Variants in IGLL5 observed in about 807,000 individuals in gnomAD.
IGLL5 encodes the protein immunoglobulin lambda like polypeptide 5, also known as immunoglobulin lambda-like polypeptide 5.
Under a neutral mutation model 20.9 loss-of-function variants are expected in IGLL5, and 30 were observed. The ratio of observed to expected loss-of-function variants is 1.44; its 90% CI spans 1.07 to 1.95. The LOEUF (loss-of-function observed/expected upper bound fraction) is 1.95, where lower values mean the gene tolerates loss of function less well. Among genes scored for constraint, IGLL5 ranks in the 30% most tolerant of loss-of-function variants. IGLL5 has a pLI of 0.00. For synonymous variants in IGLL5, 203 were observed against 117.3 expected, an observed-to-expected ratio of 1.73 and a Z score of -4.72; for missense variants, 475 against 270.7, an observed-to-expected ratio of 1.75 and a Z score of -5.30.
At chr22:22,893,999 A>C (rs2067964327) in intron 2 of IGLL5, among the ~76,000 whole-genome samples, 181 bp downstream of exon 2, 2 of 150,186 alleles carry the variant, frequency 1.3e-5, no homozygotes, top group African/African-American at 5.0e-5. Context: ...AAGGGCCTCC[A>C]CAGTGGGAGC....
chr22:22,894,303 C>T (rs2068013785), intron 2 of IGLL5, among the ~76,000 whole-genome samples: 1 of 151,170 alleles, frequency 6.6e-6, no homozygotes, highest in African/African-American at 2.4e-5. Flanking sequence ...GGCCTGGTGA[C>T]ACAGAGGTCA....
At chr22:22,894,014 G>A (rs1431335735) in intron 2 of IGLL5, among the ~76,000 whole-genome samples, 196 bp downstream of exon 2, 9 of 149,020 alleles carry the variant, frequency 6.0e-5, no homozygotes, top group East Asian at 2.0e-4. Context: ...GGGAGCAGCC[G>A]GATGCAGCCT....
intron 2 of IGLL5, among the ~76,000 whole-genome samples, chr22:22,894,565 T>C (rs565834640): frequency 2.0e-5 from 3 of 151,474 alleles, no homozygotes; most frequent in Admixed American, 1.3e-4. Flanking sequence ...CCTCCTGCCT[T>C]CCTCAAAGGG....
At chr22:22,894,020 A>G (rs556962860) in intron 2 of IGLL5, among the ~76,000 whole-genome samples, 9 of 151,510 alleles carry the variant, frequency 5.9e-5, no homozygotes, top group Middle Eastern at 3.7e-3. Flanking sequence ...AGCCGGATGC[A>G]GCCTGGTCCC....
At chr22:22,889,514 G>C (rs181145764) in intron 1 of IGLL5, among the ~76,000 whole-genome samples, 3 of 151,370 alleles carry the variant, frequency 2.0e-5, no homozygotes, top group South Asian at 2.1e-4. Context: ...AGCATTATTA[G>C]TGATGGGAGA....
chr22:22,894,104 A>T (rs191899075), intron 2 of IGLL5, among the ~76,000 whole-genome samples: 1 of 151,424 alleles, frequency 6.6e-6, no homozygotes, highest in Admixed American at 6.6e-5. Context: ...TGAGGGACAG[A>T]GGCTGGTTCT....
Position 22,888,274 on chromosome 22 carries a change from A to T in IGLL5, c.206+15A>T, listed in dbSNP as rs764577154. ...CTGTGGGGCAGGTAAGGGGCAAGAG[A>T]TTCCAGGGGATGTGGGGGTCCTGCA... On this transcript the variant is annotated intron_variant, in intron 1 of 2. Coordinates refer to ENST00000526893, the MANE Select transcript of IGLL5 (RefSeq NM_001178126.2). 3 of 1,545,590 alleles carry T rather than the reference A, an allele frequency of 1.9e-6. No homozygotes were observed. Among genetic ancestry groups the T allele is most frequent in the Non-Finnish European group, 8.7e-7 (1 of 1,145,256 alleles).
At chr22:22,888,929 G>T (rs1170364814) in intron 1 of IGLL5, among the ~76,000 whole-genome samples, 1 of 151,354 alleles carries the variant, frequency 6.6e-6, no homozygotes, top group South Asian at 2.1e-4. Context: ...CTGGTGATGG[G>T]TGCCCCCAAA....
At chr22:22,891,201 T>C (rs2146013577) in intron 1 of IGLL5, among the ~76,000 whole-genome samples, 1 of 151,378 alleles carries the variant, frequency 6.6e-6, no homozygotes, top group Admixed American at 6.6e-5. Context: ...TCTGTTTTAT[T>C]CTGGTACTTT....
chr22:22,895,526 G>A lies in IGLL5; in HGVS notation c.477G>A (p.Ala159=), dbSNP rs1238375606. 13 of 1,612,668 alleles carry A rather than the reference G, an allele frequency of 8.1e-6. No homozygotes were observed. Among genetic ancestry groups the A allele is most frequent in the Admixed American group, 3.3e-5 (2 of 59,886 alleles). Reference sequence around the variant, plus strand: ...AGGCAGATGGCAGCCCCGTCAAGGCGGGAGTGGAGACCACCAAACCCTCCA... The same window carrying A: ...AGGCAGATGGCAGCCCCGTCAAGGCAGGAGTGGAGACCACCAAACCCTCCA... ...AWKADGSPVK[A]GVETTKPSKQ... The change falls in exon 3 of 3, where the codon GCG becomes GCA. Residue 159 remains alanine (A), a synonymous_variant. Coordinates refer to ENST00000526893, the MANE Select transcript of IGLL5 (RefSeq NM_001178126.2).
At chr22:22,890,909 A>G (rs2067825985) in intron 1 of IGLL5, among the ~76,000 whole-genome samples, 2 of 151,236 alleles carry the variant, frequency 1.3e-5, no homozygotes, top group African/African-American at 4.9e-5. Context: ...TCTGTGAATT[A>G]ACTGGTCATC....
At chr22:22,890,577 GTGTGT>G (rs2067808740) in intron 1 of IGLL5, among the ~76,000 whole-genome samples, 2 of 143,274 alleles carry the variant, frequency 1.4e-5, no homozygotes, top group African/African-American at 2.6e-5. Context: ...GTGTGTGTGT[GTGTGT>G]GTGTGTGTGT....
At chr22:22,889,232 G>C (rs542595046) in intron 1 of IGLL5, among the ~76,000 whole-genome samples, 2 of 151,092 alleles carry the variant, frequency 1.3e-5, no homozygotes, top group Admixed American at 6.6e-5. Context: ...GGGATGGGGA[G>C]GACACTCAGA....
chr22:22,894,423 CTGGGTG>C, intron 2 of IGLL5, among the ~76,000 whole-genome samples: 1 of 151,460 alleles, frequency 6.6e-6, no homozygotes, highest in Admixed American at 6.6e-5. Flanking sequence ...ACGGGTGAGA[CTGGGTG>C]AGGTGCCAGA....
intron 2 of IGLL5, among the ~76,000 whole-genome samples, chr22:22,894,161 T>A (rs567547741): frequency 6.6e-6 from 1 of 151,470 alleles, no homozygotes; most frequent in Non-Finnish European, 1.5e-5. Context: ...CAGTGACTCC[T>A]GGGGTCAAGG....
chr22:22,890,470 T>A (rs2067801651), intron 1 of IGLL5, among the ~76,000 whole-genome samples: 1 of 149,138 alleles, frequency 6.7e-6, no homozygotes, highest in African/African-American at 2.5e-5. Context: ...GCTTATAAAC[T>A]TTGTTTTATA....
At chr22:22,894,773 T>G (rs2066695991) in intron 2 of IGLL5, among the ~76,000 whole-genome samples, 1 of 150,844 alleles carries the variant, frequency 6.6e-6, no homozygotes, top group African/African-American at 2.4e-5. Flanking sequence ...ACAGGAAACA[T>G]CTCAGAGCCT....
intron 1 of IGLL5, among the ~76,000 whole-genome samples, chr22:22,890,553 TTGTGTGTGTG>T (rs3029157): frequency 0.023 from 2,763 of 120,934 alleles, 38 homozygotes; most frequent in East Asian, 0.039. Flanking sequence ...CAGTGGAAAT[TTGTGTGTGTG>T]TGTGTGTGTG....
At chr22:22,892,636 T>C (rs1222073158) in intron 1 of IGLL5, among the ~76,000 whole-genome samples, 1 of 150,424 alleles carries the variant, frequency 6.6e-6, no homozygotes, top group Admixed American at 6.7e-5. Flanking sequence ...ATCTGTTGAG[T>C]TGGAGGTGTC....
Sources: allele counts gnomAD v4.1 joint callset (sites outside exome capture counted in the v4.1 genomes callset), GRCh38; gene constraint gnomAD v4.1.1; transcripts MANE v1.5; gene names NCBI Gene and HGNC (gene_info 2026-07-23, HGNC 2026-07-21).